TULP3: variants seen among roughly 807,000 people sequenced by gnomAD.
TULP3 encodes the protein tubby-related protein 3.
TULP3 carries 38 observed loss-of-function variants against 50.7 expected under a neutral mutation model. That is an observed-to-expected ratio of 0.75 (90% CI 0.58 to 0.98). TULP3 has a LOEUF of 0.98. TULP3 is among the 50% of genes least tolerant of loss of function. TULP3 has a pLI of 0.00. For missense variants in TULP3, 550 were observed against 568.0 expected (o/e 0.97, Z 0.32); for synonymous variants, 183 against 196.6 (o/e 0.93, Z 0.58).
chr12:2,895,360 G>A (rs10774075), intron 1 of TULP3, among the ~76,000 whole-genome samples: 72,509 of 151,990 alleles, frequency 0.48, 17,749 homozygotes, highest in African/African-American at 0.59. Flanking sequence ...GATTGTGGCC[G>A]TCTTTCAAGT....
intron 4 of TULP3, among the ~76,000 whole-genome samples, chr12:2,925,706 T>C (rs1042005094): frequency 2.0e-5 from 3 of 152,222 alleles, no homozygotes; most frequent in East Asian, 1.9e-4. Context: ...GTGAAAGATA[T>C]GCGTTGGACA....
chr12:2,910,911 A>T (rs890255799), intron 2 of TULP3, among the ~76,000 whole-genome samples: 2 of 152,054 alleles, frequency 1.3e-5, no homozygotes, highest in Non-Finnish European at 2.9e-5. Flanking sequence ...ATTTAGGGAG[A>T]AGTGGGCACA....
intron 4 of TULP3, among the ~76,000 whole-genome samples, chr12:2,928,788 C>CA (rs35061627): frequency 6.6e-6 from 1 of 151,562 alleles, no homozygotes; most frequent in Non-Finnish European, 1.5e-5. Flanking sequence ...ACTAAAAATA[C>CA]AAAAAAATTA....
At chr12:2,909,331 A>G (rs1243817822) in intron 1 of TULP3, among the ~76,000 whole-genome samples, 198 bp from the exon 2 acceptor site, 1 of 152,124 alleles carries the variant, frequency 6.6e-6, no homozygotes, top group Non-Finnish European at 1.5e-5. Flanking sequence ...CAGTCTCCTC[A>G]GGTCCTCTGG....
intron 6 of TULP3, among the ~76,000 whole-genome samples, chr12:2,933,076 G>A (rs1459780835): frequency 6.6e-6 from 1 of 152,026 alleles, no homozygotes; most frequent in Non-Finnish European, 1.5e-5. Flanking sequence ...CTGAGTAGCT[G>A]GGACTGCAGG....
intron 4 of TULP3, among the ~76,000 whole-genome samples, chr12:2,925,921 G>C (rs991597756): frequency 4.6e-5 from 7 of 152,170 alleles, no homozygotes; most frequent in Non-Finnish European, 1.0e-4. Flanking sequence ...TCCAGTGCCA[G>C]GTGAGTTAAC....
At chr12:2,932,215 CAG>C (rs1272439095) in intron 6 of TULP3, among the ~76,000 whole-genome samples, 1 of 152,110 alleles carries the variant, frequency 6.6e-6, no homozygotes, top group African/African-American at 2.4e-5. Context: ...TTTGCCTAAT[CAG>C]AGTCTTTCCT....
chr12:2,930,105 G>A (rs1405013139), intron 4 of TULP3, 143 bp from the exon 5 acceptor site: 1 of 603,116 alleles, frequency 1.7e-6, no homozygotes, highest in Non-Finnish European at 2.8e-6. Flanking sequence ...GAATTTGCCT[G>A]TTTTATGTAT....
intron 5 of TULP3, 119 bp downstream of exon 5, chr12:2,930,464 C>T (rs2098197316): frequency 1.5e-6 from 1 of 663,074 alleles, no homozygotes; most frequent in Non-Finnish European, 2.4e-6. Flanking sequence ...CGCTCTGTCA[C>T]CCAGGCTGGA....
Position 2,940,643 on chromosome 12 carries a change from C to A in TULP3, c.*1199C>A. 1 of 1,551,714 alleles carries A rather than the reference C, an allele frequency of 6.4e-7. No homozygotes were observed. Among genetic ancestry groups the A allele is most frequent in the Non-Finnish European group, 8.7e-7 (1 of 1,146,992 alleles). Reference sequence around the variant, plus strand: ...CCAGCGTTGGGTGGGACACCCGTGGCGGCTGCTCCCTCAGACCTCCCTTCT... The same window carrying A: ...CCAGCGTTGGGTGGGACACCCGTGGAGGCTGCTCCCTCAGACCTCCCTTCT... On this transcript the variant is annotated 3_prime_UTR_variant, in exon 11 of 11. Transcript: ENST00000448120.
chr12:2,899,117 G>T (rs1039347215), intron 1 of TULP3, among the ~76,000 whole-genome samples: 1 of 151,968 alleles, frequency 6.6e-6, no homozygotes, highest in Non-Finnish European at 1.5e-5. Context: ...AGGCTCATGC[G>T]GGTGGGTCAC....
At chr12:2,934,086 A>G (rs191777681) in intron 7 of TULP3, among the ~76,000 whole-genome samples, 5 of 152,220 alleles carry the variant, frequency 3.3e-5, no homozygotes, top group Admixed American at 2.6e-4. Context: ...TATCTCTTCA[A>G]AAAACTTTAA....
chr12:2,922,887 T>A (rs1415533201), intron 4 of TULP3, among the ~76,000 whole-genome samples: 1 of 150,256 alleles, frequency 6.7e-6, no homozygotes, highest in African/African-American at 2.5e-5. Flanking sequence ...AAAGTCTCAC[T>A]CTGTCGCGCT....
At chr12:2,938,727 G>A (rs539935124) in intron 10 of TULP3, among the ~76,000 whole-genome samples, 1 of 151,910 alleles carries the variant, frequency 6.6e-6, no homozygotes, top group East Asian at 2.0e-4. Flanking sequence ...AGGCTGCAGT[G>A]AGCTGAGATT....
intron 1 of TULP3, among the ~76,000 whole-genome samples, chr12:2,906,531 GT>G (rs1193512941): frequency 1.3e-5 from 2 of 151,358 alleles, no homozygotes; most frequent in Non-Finnish European, 2.9e-5. Flanking sequence ...GTTTCACCAT[GT>G]TGGCCAGGCT....
intron 6 of TULP3, 72 bp downstream of exon 6, chr12:2,931,312 C>T (rs2153950248): frequency 1.4e-6 from 2 of 1,454,944 alleles, no homozygotes; most frequent in Admixed American, 3.7e-5. Context: ...GTTGATGGGC[C>T]TTAGGGAACT....
intron 4 of TULP3, among the ~76,000 whole-genome samples, chr12:2,926,221 C>T (rs576951935): frequency 1.9e-4 from 29 of 152,244 alleles, no homozygotes; most frequent in African/African-American, 6.3e-4. Flanking sequence ...GGGGGGGTGC[C>T]AGGTGTGGTG....
chr12:2,894,787 C>T (rs187358747), intron 1 of TULP3, among the ~76,000 whole-genome samples: 33 of 151,616 alleles, frequency 2.2e-4, no homozygotes, highest in Admixed American at 1.6e-3. Flanking sequence ...CCAGCTACTC[C>T]GGGAACTGAG....
In TULP3 at chr12:2,931,054, T is replaced by C; in HGVS notation, c.510T>C (p.Gly170=). The change falls in exon 6 of 11, where the codon GGT becomes GGC. Residue 170 remains glycine, a synonymous_variant. Transcript: ENST00000448120. ...CCTTTCAGGATACAGGCACTTCCGG[T>C]TCTGCTACTGCCGCCCAACCAGCTG... ...SQNSTDTGTS[G]SATAAQPADN... 1 of 1,614,136 alleles carries C rather than the reference T, an allele frequency of 6.2e-7. No homozygotes were observed. Among genetic ancestry groups the C allele is most frequent in the Non-Finnish European group, 8.5e-7 (1 of 1,180,038 alleles).
Sources: gnomAD v4.1 joint callset for allele counts (sites outside exome capture counted in the v4.1 genomes callset) on GRCh38, gnomAD v4.1.1 for gene constraint, MANE v1.5 for transcripts, NCBI Gene and HGNC (gene_info 2026-07-23, HGNC 2026-07-21) for gene names.